The following CFHR2 variants were observed in gnomAD, a reference collection of about 807,000 sequenced individuals.
CFHR2 encodes the protein complement factor H-related protein 2.
A neutral mutation model predicts 21.7 loss-of-function variants in CFHR2; 22 were observed. The observed-to-expected ratio is 1.01, with a 90% CI of 0.72 to 1.45. The LOEUF (loss-of-function observed/expected upper bound fraction) is 1.45, where lower values mean the gene tolerates loss of function less well. CFHR2 is among the 40% of genes most tolerant of loss of function. The probability of loss-of-function intolerance (pLI) is 0.00; values close to 1 mark genes in which losing one functional copy is unlikely to be tolerated. For synonymous variants in CFHR2, 98 were observed against 97.4 expected (o/e 1.01, Z -0.04); for missense variants, 294 against 293.3 (o/e 1.00, Z -0.02).
intron 2 of CFHR2, among the ~76,000 whole-genome samples, chr1:196,949,947 C>T (rs1659662761): frequency 6.6e-6 from 1 of 152,306 alleles, no homozygotes; most frequent in Middle Eastern, 3.4e-3. Context: ...TTGGCAGCAG[C>T]CTGATCATAG....
At position 196,959,544 on chromosome 1, in the gene CFHR2, C is replaced by T. The variant is rs887653412; in HGVS notation, c.*464C>T. On this transcript the variant is annotated 3_prime_UTR_variant, in exon 5 of 5. Coordinates refer to ENST00000367415, the MANE Select transcript of CFHR2 (RefSeq NM_005666.4). ...CCCAGGTATCTTGAAATGTCAATTC[C>T]TAACAGTCACAGCCTGGGAGCTCAT... is the stretch of plus-strand genomic sequence containing the variant. Among the ~76,000 whole-genome samples the T allele has an allele frequency of 2.0e-5, 3 of 151,944 alleles. No individual in the cohort carries two copies. The highest frequency in any genetic ancestry group is 6.6e-5 in the Admixed American group (1 of 15,242).
Position 196,951,092 on chromosome 1 carries a change from T to C in CFHR2, c.430+64T>C, listed in dbSNP as rs1207829276. 14 of 1,562,900 alleles carry C rather than the reference T, an allele frequency of 9.0e-6. No individual in the cohort carries two copies. In the East Asian group the frequency reaches 2.9e-4, roughly 32 times the overall value. On this transcript the variant is annotated intron_variant, in intron 3 of 4. Transcript: ENST00000367415. ...TAAAGTGTAAAAGAAATAAATCTTT[T>C]TTTACAGATTAAATATAGGTTAAAT...
chr1:196,959,153 T>C lies in CFHR2; in HGVS notation c.*73T>C. On this transcript the variant is annotated 3_prime_UTR_variant, in exon 5 of 5. Coordinates refer to ENST00000367415, the MANE Select transcript of CFHR2 (RefSeq NM_005666.4). ...ACTATTATATTTGTTTTCAATTTCA[T>C]TTTTCAAGTACTGTTTTACTCATTT... The C allele has an allele frequency of 9.3e-7, 1 of 1,080,714 alleles. No individual in the cohort carries two copies. Among genetic ancestry groups the C allele is most frequent in the South Asian group, 1.6e-5 (1 of 62,324 alleles). The allele number at this position is 1,080,714 out of a possible 1,614,324, so 66.9% of individuals were successfully genotyped here. A position where few individuals can be genotyped will look rare whatever the true frequency, so the allele number is the denominator to read the frequency against.
At position 196,958,084 on chromosome 1, in the gene CFHR2, T is replaced by G. The variant is rs1385151898; in HGVS notation, c.613+11T>G. On this transcript the variant is annotated intron_variant, in intron 4 of 4. Coordinates refer to ENST00000367415, the MANE Select transcript of CFHR2 (RefSeq NM_005666.4). ...CACCAAAATGCTTAGGTAAGTACTT[T>G]AATATTCTCATGGATTCTGGAAAAA... 1 of 1,610,664 alleles carries G rather than the reference T, an allele frequency of 6.2e-7. No homozygotes were observed. Among genetic ancestry groups the G allele is most frequent in the Non-Finnish European group, 8.5e-7 (1 of 1,177,090 alleles).
chr1:196,956,911 G>A (rs566085379), intron 3 of CFHR2, among the ~76,000 whole-genome samples: 2 of 152,176 alleles, frequency 1.3e-5, no homozygotes, highest in East Asian at 3.9e-4. Context: ...GTGGGTATAA[G>A]CCCAGGTTTC....
chr1:196,954,287 C>T (rs1571492879), intron 3 of CFHR2, among the ~76,000 whole-genome samples: 1 of 152,232 alleles, frequency 6.6e-6, no homozygotes, highest in East Asian at 1.9e-4. Flanking sequence ...CATTTGACTC[C>T]TCGTCTCACA....
At chr1:196,950,384 G>A (rs1358144144) in intron 2 of CFHR2, among the ~76,000 whole-genome samples, 1 of 152,082 alleles carries the variant, frequency 6.6e-6, no homozygotes, top group Non-Finnish European at 1.5e-5. Context: ...CATATATATA[G>A]TAGCAAGACT....
chr1:196,955,119 TTGC>T, intron 3 of CFHR2, among the ~76,000 whole-genome samples: 1 of 152,336 alleles, frequency 6.6e-6, no homozygotes, highest in Middle Eastern at 3.4e-3. Context: ...CTTGAACATT[TTGC>T]TGCTTAGAAA....
In CFHR2 at chr1:196,947,419, A is replaced by G. The variant is rs184981013; in HGVS notation, c.59-2036A>G. Among the ~76,000 whole-genome samples the G allele has an allele frequency of 2.0e-5, 3 of 152,310 alleles. No homozygotes were observed. The East Asian group carries it at 5.8e-4, about 29-fold the overall frequency. ...ATGTAAGTACAAATGTATGAAAATA[A>G]ACTACTATAATTTTGGAGGAGTGAA... On this transcript the variant is annotated intron_variant, in intron 1 of 4. Transcript: ENST00000367415.
At chr1:196,954,430 T>C (rs1435446279) in intron 3 of CFHR2, among the ~76,000 whole-genome samples, 1 of 152,172 alleles carries the variant, frequency 6.6e-6, no homozygotes, top group African/African-American at 2.4e-5. Context: ...TCCAGGTGCA[T>C]AGTACAAGCT....
chr1:196,949,626 G>T lies in CFHR2; in HGVS notation c.230G>T (p.Trp77Leu). 6.2e-7 allele frequency: 1 copy of T among 1,613,872 alleles called. No individual in the cohort carries two copies. Among genetic ancestry groups the T allele is most frequent in the Non-Finnish European group, 8.5e-7 (1 of 1,179,846 alleles). The change falls in exon 2 of 5, where the codon TGG becomes TTG. Residue 77 changes from tryptophan (W) to leucine (L), a missense_variant. Transcript: ENST00000367415. ...WTRITCAEEG[W>L]SPTPKCLRLC... ...CGCATAACGTGCGCAGAAGAAGGAT[G>T]GTCACCAACACCAAAGTGTCTCAGT... is the stretch of plus-strand genomic sequence containing the variant.
intron 3 of CFHR2, among the ~76,000 whole-genome samples, chr1:196,954,357 G>A (rs1441771157): frequency 2.0e-5 from 3 of 152,206 alleles, no homozygotes; most frequent in Non-Finnish European, 4.4e-5. Context: ...CCACTTCTGT[G>A]GCTTTGCAGG....
Position 196,945,096 on chromosome 1 carries a change from G to A in CFHR2, c.58+1158G>A, listed in dbSNP as rs183164327. On this transcript the variant is annotated intron_variant, in intron 1 of 4. Coordinates refer to ENST00000367415, the MANE Select transcript of CFHR2 (RefSeq NM_005666.4). ...TCTCCATGTTGGTCAGGCTGGTCTC[G>A]AACTCCCGACCTCAGGTGATCTGCC... Among the ~76,000 whole-genome samples the A allele has an allele frequency of 4.6e-4, 67 of 144,606 alleles. 5 individuals carry two copies. Among genetic ancestry groups the A allele is most frequent in the African/African-American group, 1.5e-3 (61 of 39,390 alleles). 94.9% of individuals were successfully genotyped at this position (144,606 alleles called of 152,430 possible). A position where few individuals can be genotyped will look rare whatever the true frequency, so the allele number is the denominator to read the frequency against.
chr1:196,951,607 TC>T (rs1659728589), intron 3 of CFHR2, among the ~76,000 whole-genome samples: 1 of 152,070 alleles, frequency 6.6e-6, no homozygotes, highest in African/African-American at 2.4e-5. Context: ...TCTTTATAGC[TC>T]CTCAGTAATT....
At chr1:196,954,740 CAA>C (rs1219085202) in intron 3 of CFHR2, among the ~76,000 whole-genome samples, 1 of 152,174 alleles carries the variant, frequency 6.6e-6, no homozygotes, top group Non-Finnish European at 1.5e-5. Flanking sequence ...TGGAAGCTGC[CAA>C]AGTTCGAGGT....
At chr1:196,950,827 C>A (rs1659697097) in intron 2 of CFHR2, 25 bp from the exon 3 acceptor site, 1 of 1,611,274 alleles carries the variant, frequency 6.2e-7, no homozygotes, top group Non-Finnish European at 8.5e-7. Flanking sequence ...TCCATCTTGT[C>A]TATTAATCTG....
chr1:196,948,154 T>C (rs1659585759), intron 1 of CFHR2, among the ~76,000 whole-genome samples: 1 of 152,152 alleles, frequency 6.6e-6, no homozygotes, highest in Admixed American at 6.6e-5. Context: ...AAGGAATTGG[T>C]TCCAGGACTC....
At position 196,944,115 on chromosome 1, in the gene CFHR2, T is replaced by C. The variant is rs953470400; in HGVS notation, c.58+177T>C. On this transcript the variant is annotated intron_variant, in intron 1 of 4. Coordinates refer to ENST00000367415, the MANE Select transcript of CFHR2 (RefSeq NM_005666.4). ...ACATGCAATTAGCAGGAAAATAGAA[T>C]AAAATTAGTTATCTCCATCCTCTAA... is the stretch of plus-strand genomic sequence containing the variant. Among the ~76,000 whole-genome samples the C allele has an allele frequency of 1.4e-4, 17 of 119,466 alleles. 2 individuals carry two copies. Among genetic ancestry groups the C allele is most frequent in the Non-Finnish European group, 2.5e-4 (15 of 59,456 alleles). 78.4% of individuals were successfully genotyped at this position (119,466 alleles called of 152,430 possible).
chr1:196,944,937 TG>T (rs1383323135), intron 1 of CFHR2, among the ~76,000 whole-genome samples: 2 of 149,724 alleles, frequency 1.3e-5, no homozygotes, highest in African/African-American at 4.9e-5. Context: ...AGTGCAATGG[TG>T]TGATTTCGGC....
Sources: gnomAD v4.1 joint callset for allele counts (sites outside exome capture counted in the v4.1 genomes callset) on GRCh38, gnomAD v4.1.1 for gene constraint, MANE v1.5 for transcripts, NCBI Gene and HGNC (gene_info 2026-07-23, HGNC 2026-07-21) for gene names.